The following IRAG2 variants were observed in gnomAD, a reference collection of about 807,000 sequenced individuals.
IRAG2 encodes lymphoid restricted membrane protein.
Under a neutral mutation model 69.9 loss-of-function variants are expected in IRAG2, and 45 were observed. The observed-to-expected ratio is 0.64, with a 90% CI of 0.51 to 0.83. The LOEUF (loss-of-function observed/expected upper bound fraction) is 0.83. Among genes scored for constraint, IRAG2 ranks in the 40% least tolerant of loss-of-function variants. The probability of loss-of-function intolerance (pLI) is 0.00; values close to 1 mark genes in which losing one functional copy is unlikely to be tolerated. For missense variants in IRAG2, 520 were observed against 587.0 expected, an observed-to-expected ratio of 0.89 and a Z score of 1.18; for synonymous variants, 193 against 202.4, an observed-to-expected ratio of 0.95 and a Z score of 0.40.
At chr12:24,997,671 C>T in the IRAG2 span, 3 of 153,822 alleles carry the variant, frequency 2.0e-5, no homozygotes, top group Middle Eastern at 3.4e-3. Context: ...GGCCTTTAGT[C>T]ATCGAAGGCC....
At chr12:25,028,134 A>T (rs1390114551) in intron 9 of IRAG2, among the ~76,000 whole-genome samples, 1 of 152,114 alleles carries the variant, frequency 6.6e-6, no homozygotes, top group Non-Finnish European at 1.5e-5. Context: ...CATGTTGGCC[A>T]GGCTGTTCTC....
chr12:25,015,417 TAAAGG>T lies in IRAG2; in HGVS notation c.1046_1050del (p.Lys349SerfsTer6). The T allele has an allele frequency of 3.2e-6, 4 of 1,231,798 alleles. No individual in the cohort carries two copies. Among genetic ancestry groups the T allele is most frequent in the Non-Finnish European group, 3.0e-6 (3 of 987,662 alleles). The allele number at this position is 1,231,798 out of a possible 1,614,324, so 76.3% of individuals were successfully genotyped here. A position where few individuals can be genotyped will look rare whatever the true frequency, so the allele number is the denominator to read the frequency against. ...TCGAGGCTTTGGGAGGAGAAACATC[TAAAGG>T]AGTCTTGTAAGCCTTCTTACTCTGC... is the stretch of plus-strand genomic sequence containing the variant. On this transcript the variant is annotated frameshift_variant, in exon 5 of 39. Transcript: ENST00000636465. LOFTEE classifies it high-confidence loss of function.
rs565917348 is a variant in IRAG2 at position 25,034,805 on chromosome 12, T to C, written c.1744-848T>C. 5.1e-4 allele frequency among the ~76,000 whole-genome samples: 77 copies of C among 152,366 alleles called. 1 individual carries two copies. The highest frequency in any genetic ancestry group is 9.8e-4 in the Non-Finnish European group (67 of 68,044). On this transcript the variant is annotated intron_variant, in intron 13 of 38. Coordinates refer to the IRAG2 transcript ENST00000636465. ...CTATTTGAATTGCTTCTGCCAAGGATGCAGGGACAACATATGCTGCCTTCA... is the reference window on the plus strand; with the variant it reads ...CTATTTGAATTGCTTCTGCCAAGGACGCAGGGACAACATATGCTGCCTTCA...
exon 2 of IRAG2, chr12:25,005,348 C>A: frequency 8.2e-7 from 1 of 1,215,448 alleles, no homozygotes; most frequent in Non-Finnish European, 1.0e-6. Context: ...TGACATCAAA[C>A]GGAAAGGTAA....
chr12:25,100,898 G>T (rs1364157097), intron 15 of IRAG2: 1 of 236,986 alleles, frequency 4.2e-6, no homozygotes, highest in Non-Finnish European at 8.0e-6. Flanking sequence ...TTACTGAGGT[G>T]CAGTGTAGGT....
At chr12:25,068,038 G>A (rs994488496) in intron 5 of IRAG2, among the ~76,000 whole-genome samples, 27 of 151,906 alleles carry the variant, frequency 1.8e-4, no homozygotes, top group Admixed American at 5.2e-4. Context: ...ACAAGGTTTC[G>A]CCATGTTTGC....
At chr12:24,999,990 A>G (rs1178313636), upstream of IRAG2, among the ~76,000 whole-genome samples, 1 of 152,190 alleles carries the variant, frequency 6.6e-6, no homozygotes, top group African/African-American at 2.4e-5. Context: ...ATTTAACCTA[A>G]TAGCTCTAGT....
In IRAG2 at chr12:25,096,891, T is replaced by C; in HGVS notation, c.607-19T>C. On this transcript the variant is annotated intron_variant, in intron 14 of 21. Coordinates refer to ENST00000556887, the MANE Select transcript of IRAG2 (RefSeq NM_001366544.2). ...AATGCTTGTGTTAGATATCTTTTAATATGCTGTTTTCTATACAGTCTTTAA... is the reference window on the plus strand; with the variant it reads ...AATGCTTGTGTTAGATATCTTTTAACATGCTGTTTTCTATACAGTCTTTAA... 1 of 1,592,636 alleles carries C rather than the reference T, an allele frequency of 6.3e-7. No homozygotes were observed. The highest frequency in any genetic ancestry group is 1.7e-4 in the Middle Eastern group (1 of 5,968).
rs146234212 is a variant in IRAG2 at position 25,099,717 on chromosome 12, T to G, written c.742-1461T>G. Among the ~76,000 whole-genome samples, 68 of 152,190 alleles carry G rather than the reference T, an allele frequency of 4.5e-4. No individual in the cohort carries two copies. The East Asian group carries it at 0.012, about 28-fold the overall frequency. The stretch of plus-strand genomic sequence containing the variant: ...TGTCTTACTGTGGTTTGAAAGGATG[T>G]GTGGCCGGGCGCGGTGACTCACGCC... On this transcript the variant is annotated intron_variant, in intron 15 of 21. Coordinates refer to ENST00000556887, the MANE Select transcript of IRAG2 (RefSeq NM_001366544.2).
At chr12:25,020,880 C>T (rs879519440) in exon 7 of IRAG2, 38 of 1,231,540 alleles carry the variant, frequency 3.1e-5, no homozygotes, top group Non-Finnish European at 3.7e-5. Flanking sequence ...AGCAGAAGAG[C>T]ATGATTGTAG....
At chr12:25,082,453 A>G (rs1947282881) in intron 9 of IRAG2, among the ~76,000 whole-genome samples, 1 of 151,964 alleles carries the variant, frequency 6.6e-6, no homozygotes, top group South Asian at 2.1e-4. Flanking sequence ...TACAAAAATT[A>G]GCTGGGCATG....
chr12:25,059,870 T>A (rs930804924), intron 1 of IRAG2, among the ~76,000 whole-genome samples: 2 of 152,174 alleles, frequency 1.3e-5, no homozygotes, highest in African/African-American at 4.8e-5. Flanking sequence ...CTGAAAAAAA[T>A]TAAAAATTAG....
At chr12:25,015,164 T>TG (rs1944516162) in intron 3 of IRAG2, 3 of 1,201,120 alleles carry the variant, frequency 2.5e-6, no homozygotes, top group Non-Finnish European at 3.1e-6. Context: ...TGTTTTTTTT[T>TG]TTTTTTTTTG....
chr12:25,007,490 G>GT (rs1944441644), intron 2 of IRAG2, among the ~76,000 whole-genome samples: 1 of 151,980 alleles, frequency 6.6e-6, no homozygotes, highest in Non-Finnish European at 1.5e-5. Flanking sequence ...CTTTCCATCT[G>GT]TTTTTTGCAT....
intron 1 of IRAG2, among the ~76,000 whole-genome samples, chr12:25,053,585 G>T (rs1945007854): frequency 6.6e-6 from 1 of 151,988 alleles, no homozygotes; most frequent in Admixed American, 6.6e-5. Flanking sequence ...GAAGACAGTT[G>T]TCACATTACA....
At position 25,046,530 on chromosome 12, in the gene IRAG2, C is replaced by T. The variant is rs114916798; in HGVS notation, c.2145-5705C>T. 6.4e-3 allele frequency among the ~76,000 whole-genome samples: 972 copies of T among 152,104 alleles called. 9 individuals carry two copies. The highest frequency in any genetic ancestry group is 0.022 in the African/African-American group (929 of 41,534). On this transcript the variant is annotated intron_variant, in intron 16 of 38. Transcript: ENST00000636465. ...AAAATCAACATACCATAATAAATTT[C>T]GTTTATATATGAGCAACATTGAACC...
chr12:25,035,273 G>A (rs1042809908), intron 13 of IRAG2, among the ~76,000 whole-genome samples: 4 of 152,230 alleles, frequency 2.6e-5, no homozygotes, highest in African/African-American at 9.6e-5. Flanking sequence ...GGTCTTTTAT[G>A]AATGGAAGGG....
Position 25,042,015 on chromosome 12 carries a change from A to T in IRAG2, c.2144+3878A>T, listed in dbSNP as rs185322533. Among the ~76,000 whole-genome samples, 20 of 151,718 alleles carry T rather than the reference A, an allele frequency of 1.3e-4. No homozygotes were observed. The East Asian group carries it at 2.7e-3, about 21-fold the overall frequency. ...TGTATGTGTATGTGTGTTTGTTTGT[A>T]TACTGAGTTGAAATATAAAATATTT... On this transcript the variant is annotated intron_variant, in intron 16 of 38. Coordinates refer to the IRAG2 transcript ENST00000636465.
At chr12:25,046,855 C>A (rs1260507931) in intron 16 of IRAG2, among the ~76,000 whole-genome samples, 1 of 152,060 alleles carries the variant, frequency 6.6e-6, no homozygotes, top group African/African-American at 2.4e-5. Context: ...CCATGAGGGA[C>A]CCTGAATAGC....
Sources: allele counts gnomAD v4.1 joint callset (sites outside exome capture counted in the v4.1 genomes callset), GRCh38; gene constraint gnomAD v4.1.1; transcripts MANE v1.5; gene names NCBI Gene and HGNC (gene_info 2026-07-23, HGNC 2026-07-21).